Variants in RALYL observed in about 807,000 individuals in gnomAD.
RALYL encodes RALY RNA binding protein like, also known as RNA-binding Raly-like protein.
RALYL carries 29 observed loss-of-function variants against 35.1 expected under a neutral mutation model. The ratio of observed to expected loss-of-function variants is 0.83; its 90% CI spans 0.61 to 1.13. The LOEUF is 1.13. Among genes scored for constraint, RALYL ranks in the 50% most tolerant of loss-of-function variants. RALYL has a pLI of 0.00. For missense variants in RALYL, 359 were observed against 360.4 expected (o/e 1.00, Z 0.03); for synonymous variants, 120 against 127.6 (o/e 0.94, Z 0.40).
At chr8:84,327,603 A>G (rs1425519696) in intron 1 of RALYL, among the ~76,000 whole-genome samples, 1 of 152,208 alleles carries the variant, frequency 6.6e-6, no homozygotes, top group East Asian at 1.9e-4. Flanking sequence ...TTCCTGCTGC[A>G]ATGGCAGACT....
Position 84,561,836 on chromosome 8 carries a change from A to G in RALYL, c.256+32259A>G, listed in dbSNP as rs141462621. 4.9e-3 allele frequency among the ~76,000 whole-genome samples: 738 copies of G among 152,062 alleles called. 7 individuals carry two copies. The highest frequency in any genetic ancestry group is 0.036 in the South Asian group (176 of 4,824). On this transcript the variant is annotated intron_variant, in intron 2 of 8. Transcript: ENST00000521268. ...ATCTCATCAGGCTACTAAGAATGAC[A>G]CACAATTAAAAACTTACGAATTATT...
intron 1 of RALYL, among the ~76,000 whole-genome samples, chr8:84,205,025 G>C (rs1236874519): frequency 6.6e-6 from 1 of 152,210 alleles, no homozygotes; most frequent in East Asian, 1.9e-4. Flanking sequence ...CTTAAGCCCA[G>C]GTCTGATTCT....
intron 2 of RALYL, among the ~76,000 whole-genome samples, chr8:84,605,329 T>G (rs917559589): frequency 6.6e-6 from 1 of 152,118 alleles, no homozygotes. Context: ...TTTACAAACA[T>G]TAATATGGCT....
intron 1 of RALYL, among the ~76,000 whole-genome samples, chr8:84,418,176 C>G (rs892402227): frequency 3.3e-5 from 5 of 151,954 alleles, no homozygotes; most frequent in African/African-American, 1.2e-4. Flanking sequence ...AGCACGGTGC[C>G]AAAAAATATG....
At chr8:84,367,554 A>T (rs935658873) in intron 1 of RALYL, among the ~76,000 whole-genome samples, 1 of 151,604 alleles carries the variant, frequency 6.6e-6, no homozygotes. Context: ...TAAGGTTTAT[A>T]TCTGTCAGGA....
intron 4 of RALYL, among the ~76,000 whole-genome samples, chr8:84,838,700 A>G (rs1254386723): frequency 6.6e-6 from 1 of 152,250 alleles, no homozygotes; most frequent in Non-Finnish European, 1.5e-5. Context: ...GATTGAACAA[A>G]AAAAAGCAGG....
At chr8:84,510,834 A>C (rs1254862839) in intron 1 of RALYL, among the ~76,000 whole-genome samples, 1 of 152,050 alleles carries the variant, frequency 6.6e-6, no homozygotes, top group African/African-American at 2.4e-5. Context: ...TAATTGTATA[A>C]ATTTATGGGG....
chr8:84,587,120 C>T (rs1252257924), intron 2 of RALYL, among the ~76,000 whole-genome samples: 1 of 152,162 alleles, frequency 6.6e-6, no homozygotes, highest in African/African-American at 2.4e-5. Flanking sequence ...TCAAACGAAC[C>T]TACATTAAAA....
chr8:84,471,822 G>A (rs2052794015), intron 1 of RALYL, among the ~76,000 whole-genome samples: 2 of 152,158 alleles, frequency 1.3e-5, no homozygotes, highest in South Asian at 2.1e-4. Flanking sequence ...TTGTGAGCAG[G>A]AAATAAGTTA....
chr8:84,303,132 TCTGA>T (rs1298925574), intron 1 of RALYL, among the ~76,000 whole-genome samples: 2 of 152,254 alleles, frequency 1.3e-5, no homozygotes, highest in South Asian at 2.1e-4. Flanking sequence ...CTATTTATTG[TCTGA>T]CTGATGTTTG....
At chr8:84,524,337 A>G (rs1004223254) in intron 1 of RALYL, among the ~76,000 whole-genome samples, 15 of 152,202 alleles carry the variant, frequency 9.9e-5, no homozygotes, top group African/African-American at 3.6e-4. Context: ...GCAGCCAAAA[A>G]ACACATGAAA....
intron 2 of RALYL, among the ~76,000 whole-genome samples, chr8:84,606,484 T>C (rs751646321): frequency 5.3e-5 from 8 of 152,158 alleles, no homozygotes; most frequent in Non-Finnish European, 8.8e-5. Flanking sequence ...GGACATTGCT[T>C]TAGAGCCTGG....
At chr8:84,574,722 T>C (rs1286560729) in intron 2 of RALYL, among the ~76,000 whole-genome samples, 1 of 152,034 alleles carries the variant, frequency 6.6e-6, no homozygotes, top group Non-Finnish European at 1.5e-5. Flanking sequence ...GTAGACAATG[T>C]ATGTAGTTAT....
chr8:84,679,319 TG>T (rs1229438348), intron 2 of RALYL: 2 of 257,132 alleles, frequency 7.8e-6, no homozygotes, highest in East Asian at 2.0e-4. Context: ...ACAGTGATGT[TG>T]TTGGCTGTAG....
At position 84,345,578 on chromosome 8, in the gene RALYL, AG is replaced by A. The variant is rs370640210; in HGVS notation, c.-24+161155del. ...TCAATGAAATGATATCACCTTCAAA[AG>A]AAAATCTAAACTCTTAGACTATTAC... is the stretch of plus-strand genomic sequence containing the variant. On this transcript the variant is annotated intron_variant, in intron 1 of 8. Transcript: ENST00000521268. 2.7e-3 allele frequency among the ~76,000 whole-genome samples: 415 copies of A among 152,146 alleles called. 2 individuals carry two copies. The highest frequency in any genetic ancestry group is 9.4e-3 in the African/African-American group (389 of 41,534).
At chr8:84,380,257 C>T (rs906920956) in intron 1 of RALYL, among the ~76,000 whole-genome samples, 3 of 151,820 alleles carry the variant, frequency 2.0e-5, no homozygotes, top group Non-Finnish European at 4.4e-5. Flanking sequence ...TTCCCTCACT[C>T]CTCACATCCA....
intron 8 of RALYL, among the ~76,000 whole-genome samples, chr8:84,897,786 T>C (rs1201178487): frequency 2.0e-5 from 3 of 152,216 alleles, no homozygotes; most frequent in Non-Finnish European, 2.9e-5. Context: ...ATGTGCCAGA[T>C]ATTGTTGGTT....
At chr8:84,370,626 G>T (rs1281345310) in intron 1 of RALYL, among the ~76,000 whole-genome samples, 1 of 152,052 alleles carries the variant, frequency 6.6e-6, no homozygotes, top group Non-Finnish European at 1.5e-5. Flanking sequence ...GAAAAAGGCA[G>T]TGTGCAGCAA....
intron 1 of RALYL, among the ~76,000 whole-genome samples, chr8:84,476,024 T>C (rs1230032038): frequency 1.3e-5 from 2 of 152,214 alleles, no homozygotes; most frequent in African/African-American, 4.8e-5. Flanking sequence ...TTGTTATTAC[T>C]ACATTTCAGG....
Sources: allele counts gnomAD v4.1 joint callset (sites outside exome capture counted in the v4.1 genomes callset), GRCh38; gene constraint gnomAD v4.1.1; transcripts MANE v1.5; gene names NCBI Gene and HGNC (gene_info 2026-07-23, HGNC 2026-07-21).